TANC1: variants seen among roughly 807,000 people sequenced by gnomAD.
TANC1 encodes the protein protein TANC1.
In TANC1, 77 loss-of-function variants were observed where a neutral mutation model predicts 149.7. The observed-to-expected ratio is 0.51, with a 90% CI of 0.43 to 0.62. TANC1 has a LOEUF of 0.62. Ranked by LOEUF, TANC1 falls within the 20% of genes least tolerant of loss-of-function variation. TANC1 has a pLI of 0.00. For missense variants in TANC1, 1,985 were observed against 2,321.8 expected (o/e 0.85, Z 2.98); for synonymous variants, 854 against 925.0 (o/e 0.92, Z 1.39).
intron 2 of TANC1, among the ~76,000 whole-genome samples, chr2:159,002,194 G>A (rs193287720): frequency 3.9e-5 from 6 of 152,298 alleles, no homozygotes; most frequent in Admixed American, 3.3e-4. Context: ...AGGGGCTGGC[G>A]GTATGGACAG....
chr2:159,002,672 G>T (rs2036725144), intron 2 of TANC1, among the ~76,000 whole-genome samples: 1 of 152,164 alleles, frequency 6.6e-6, no homozygotes. Flanking sequence ...GTGAGCTGCT[G>T]AGGAGGGAAA....
At chr2:159,152,559 G>C (rs985335261) in intron 7 of TANC1, among the ~76,000 whole-genome samples, 26 of 143,002 alleles carry the variant, frequency 1.8e-4, no homozygotes, top group African/African-American at 6.7e-4. Flanking sequence ...TGGTGCAATT[G>C]TAGCTCACTG....
At chr2:159,015,084 C>T (rs2038133385) in intron 2 of TANC1, among the ~76,000 whole-genome samples, 1 of 152,238 alleles carries the variant, frequency 6.6e-6, no homozygotes, top group Admixed American at 6.5e-5. Flanking sequence ...CCCCACATTT[C>T]CTTTCCACAC....
In TANC1 at chr2:159,196,627, AG is replaced by A; in HGVS notation, c.3002del (p.Gly1001AlafsTer21). ...CCCCAGGTGGACCACTTGGATAAGA[AG>A]GGCCAGTGTGCGCTTGTCCACAGTG... ...KGVRVDHLDK[K>X]GQCALVHSAL... is the part of the protein sequence containing the mutation. On this transcript the variant is annotated frameshift_variant, in exon 18 of 27. Transcript: ENST00000263635. LOFTEE classifies it high-confidence loss of function. 1 of 1,602,494 alleles carries A rather than the reference AG, an allele frequency of 6.2e-7. No homozygotes were observed. Among genetic ancestry groups the A allele is most frequent in the South Asian group, 1.1e-5 (1 of 90,472 alleles).
In TANC1 at chr2:159,228,871, A is replaced by T; in HGVS notation, c.4126A>T (p.Arg1376Ter). The T allele has an allele frequency of 6.2e-7, 1 of 1,614,108 alleles. No homozygotes were observed. Among genetic ancestry groups the T allele is most frequent in the Non-Finnish European group, 8.5e-7 (1 of 1,179,938 alleles). ...CAAGTCCTATGAAGCCTTTTATGCC[A>T]GAGCAAGAGCGAAGAGAAATAGCAG... ...KPKSYEAFYA[R>*]ARAKRNSRQF... Residue 1376 changes from arginine (R) to a stop codon, truncating the protein, a stop_gained, in exon 26 of 27, where the codon AGA becomes TGA. Transcript: ENST00000263635. LOFTEE classifies it low-confidence loss of function (END_TRUNC).
chr2:159,230,943 T>C lies in TANC1; in HGVS notation c.5517T>C (p.Ser1839=). 1 of 1,614,150 alleles carries C rather than the reference T, an allele frequency of 6.2e-7. No individual in the cohort carries two copies. The highest frequency in any genetic ancestry group is 2.2e-5 in the East Asian group (1 of 44,884). ...ESISKQQPHI[S]NEAHRSHLTA... ...TCTCCAAACAGCAGCCTCATATTAG[T>C]AATGAAGCCCACAGGAGCCACCTCA... is the stretch of plus-strand genomic sequence containing the variant. Residue 1839 remains serine (S), a synonymous_variant, in exon 27 of 27, where the codon AGT becomes AGC. Transcript: ENST00000263635. This position sits in a 1 kb window ranked among gnomAD's most constrained non-coding sequence, Gnocchi z 4.4.
intron 2 of TANC1, among the ~76,000 whole-genome samples, chr2:159,062,688 C>T (rs1324886782): frequency 1.3e-5 from 2 of 152,104 alleles, no homozygotes; most frequent in Admixed American, 1.3e-4. Context: ...CAAAGCTCGG[C>T]CGGGCGCGGT....
chr2:159,142,718 T>C (rs559859972), intron 5 of TANC1, among the ~76,000 whole-genome samples: 5 of 152,142 alleles, frequency 3.3e-5, no homozygotes, highest in African/African-American at 1.2e-4. Context: ...AAGTAGGTAT[T>C]TGGCACATTT....
At chr2:159,128,866 G>C (rs1340139170) in intron 4 of TANC1, among the ~76,000 whole-genome samples, 1 of 152,158 alleles carries the variant, frequency 6.6e-6, no homozygotes. Context: ...TTATCTGGTA[G>C]TTTACCACGG....
chr2:159,172,873 G>A (rs1009677904), intron 11 of TANC1, among the ~76,000 whole-genome samples: 3 of 152,190 alleles, frequency 2.0e-5, no homozygotes, highest in African/African-American at 7.2e-5. Context: ...GCAGTGGTGT[G>A]AGTCGGTGGA....
chr2:159,179,158 G>A lies in TANC1; in HGVS notation c.2505G>A (p.Glu835=), dbSNP rs756827410. ...GGGAAAACACGGCCTTCCTGTGTGAGCCCAGGTACGGCAGGCGCTTTCTTT... is the reference window on the plus strand; with the variant it reads ...GGGAAAACACGGCCTTCCTGTGTGAACCCAGGTACGGCAGGCGCTTTCTTT... ...ADGENTAFLC[E]PRNGHALLAF... Residue 835 remains glutamate, a synonymous_variant, in exon 14 of 27, where the codon GAG becomes GAA. Coordinates refer to ENST00000263635, the MANE Select transcript of TANC1 (RefSeq NM_033394.3). 1.2e-6 allele frequency: 2 copies of A among 1,608,096 alleles called. No individual in the cohort carries two copies. Among genetic ancestry groups the A allele is most frequent in the African/African-American group, 1.3e-5 (1 of 74,672 alleles).
chr2:159,132,882 G>A (rs1309744308), intron 4 of TANC1, among the ~76,000 whole-genome samples: 1 of 152,060 alleles, frequency 6.6e-6, no homozygotes, highest in Non-Finnish European at 1.5e-5. Flanking sequence ...TATGAGTTAG[G>A]GGTTGGATCT....
intron 18 of TANC1, among the ~76,000 whole-genome samples, chr2:159,197,064 C>A (rs2057913382): frequency 6.6e-6 from 1 of 152,232 alleles, no homozygotes; most frequent in Non-Finnish European, 1.5e-5. Context: ...GTCTCTCCTC[C>A]TTCCCTGCTC....
At chr2:159,105,161 A>G (rs2047051267) in intron 4 of TANC1, among the ~76,000 whole-genome samples, 3 of 148,238 alleles carry the variant, frequency 2.0e-5, no homozygotes. Flanking sequence ...CGCCTGGCTA[A>G]TTTTTTGTAT....
chr2:159,147,989 A>G (rs767163755), intron 5 of TANC1: 3 of 152,232 alleles, frequency 2.0e-5, no homozygotes, highest in Non-Finnish European at 4.4e-5. Context: ...CGAAGTGAGC[A>G]TTGATCTTTG....
chr2:158,973,059 G>A (rs2033130166), intron 1 of TANC1, among the ~76,000 whole-genome samples: 1 of 152,128 alleles, frequency 6.6e-6, no homozygotes, highest in African/African-American at 2.4e-5. Context: ...TCCCCTGCAG[G>A]TGGGTGTGAT....
At chr2:159,063,698 T>C (rs1208788003) in intron 2 of TANC1, among the ~76,000 whole-genome samples, 1 of 152,196 alleles carries the variant, frequency 6.6e-6, no homozygotes, top group Non-Finnish European at 1.5e-5. Flanking sequence ...AGAAATACTA[T>C]AGCAGATATT....
chr2:159,050,410 G>C (rs2041384265), intron 2 of TANC1, among the ~76,000 whole-genome samples: 1 of 152,216 alleles, frequency 6.6e-6, no homozygotes, highest in Non-Finnish European at 1.5e-5. Flanking sequence ...AATTAAACCA[G>C]GTTATCAGAA....
chr2:159,095,458 G>T (rs371739888), intron 3 of TANC1, among the ~76,000 whole-genome samples: 68 of 152,260 alleles, frequency 4.5e-4, no homozygotes, highest in African/African-American at 1.3e-3. Flanking sequence ...GCATGTGCTG[G>T]CCAGGCGCTG....
Sources: allele counts gnomAD v4.1 joint callset (sites outside exome capture counted in the v4.1 genomes callset), GRCh38; gene constraint gnomAD v4.1.1; non-coding constraint Gnocchi (gnomAD v3.1); transcripts MANE v1.5; gene names NCBI Gene and HGNC (gene_info 2026-07-23, HGNC 2026-07-21).